The following SLC26A4 variants were observed in gnomAD, a reference collection of about 807,000 sequenced individuals.
SLC26A4 encodes pendrin.
SLC26A4 carries 93 observed loss-of-function variants against 90.4 expected under a neutral mutation model. That is an observed-to-expected ratio of 1.03 (90% CI 0.87 to 1.22). The LOEUF (loss-of-function observed/expected upper bound fraction) is 1.22, where lower values mean the gene tolerates loss of function less well. Ranked by LOEUF, SLC26A4 falls within the 50% of genes most tolerant of loss-of-function variation. The pLI is 0.00. For missense variants in SLC26A4, 1,127 were observed against 946.2 expected (o/e 1.19, Z -2.51); for synonymous variants, 393 against 354.6 (o/e 1.11, Z -1.22).
intron 11 of SLC26A4, 55 bp from the exon 12 acceptor site, chr7:107,694,566 A>T: frequency 6.5e-7 from 1 of 1,538,194 alleles, no homozygotes; most frequent in Non-Finnish European, 9.0e-7. Context: ...TTTAACAATC[A>T]TCACATGGAA....
At chr7:107,680,289 TC>T (rs1315810878) in intron 6 of SLC26A4, among the ~76,000 whole-genome samples, 2 of 98,296 alleles carry the variant, frequency 2.0e-5, no homozygotes, top group African/African-American at 4.2e-5. Context: ...TATAATCTTA[TC>T]TTATTATATA....
intron 10 of SLC26A4, chr7:107,693,653 T>G (rs1442963974): frequency 1.0e-6 from 1 of 988,244 alleles, no homozygotes; most frequent in Non-Finnish European, 1.2e-6. Context: ...TCAGCCTCTC[T>G]CCTAACTAGT....
intron 2 of SLC26A4, 69 bp from the exon 3 acceptor site, chr7:107,663,227 A>T: frequency 6.5e-7 from 1 of 1,534,788 alleles, no homozygotes; most frequent in Non-Finnish European, 9.0e-7. Flanking sequence ...CCAGTTCATA[A>T]CTTTGTGATT....
rs74378867 is a variant in SLC26A4, at chr7:107,693,738, C to T, written c.1264-665C>T. 1.3e-4 allele frequency: 129 copies of T among 992,144 alleles called. 2 individuals are homozygous for T. In the East Asian group the frequency reaches 6.6e-3, roughly 51 times the overall value. 61.5% of individuals were successfully genotyped at this position (992,144 alleles called of 1,614,324 possible). ...CTTCCTTTTACCCCTGCTATTGCCC[C>T]GTTACTCCATAGTCACTGTTTCAGG... On this transcript the variant is annotated intron_variant, in intron 10 of 20. Transcript: ENST00000644269.
rs749883120 is a variant in SLC26A4, at chr7:107,661,754, G to T, written c.113G>T (p.Arg38Leu). Residue 38 changes from arginine to leucine, a missense_variant, in exon 2 of 21, where the codon CGG (arginine) becomes CTG (leucine). Transcript: ENST00000644269. The surrounding 1 kb of genome is among the most constrained non-coding windows in gnomAD (Gnocchi z 5.1). ...SELAFQQQHE[R>L]RLQERKTLRE... ...CTCGCTTTCCAGCAACAGCACGAGC[G>T]GCGCCTGCAGGAGCGCAAGACGCTG... 11 of 1,545,806 alleles carry T rather than the reference G, an allele frequency of 7.1e-6. No individual in the cohort carries two copies. Among genetic ancestry groups the T allele is most frequent in the Non-Finnish European group, 3.5e-6 (4 of 1,149,270 alleles).
At chr7:107,685,454 T>G (rs78542230) in intron 8 of SLC26A4, among the ~76,000 whole-genome samples, 3 of 152,198 alleles carry the variant, frequency 2.0e-5, no homozygotes, top group African/African-American at 7.2e-5. Flanking sequence ...ATCTCCTCCC[T>G]GCTTCAATCC....
intron 13 of SLC26A4, among the ~76,000 whole-genome samples, chr7:107,696,581 A>G (rs1365245861): frequency 6.6e-6 from 1 of 152,240 alleles, no homozygotes; most frequent in Non-Finnish European, 1.5e-5. Flanking sequence ...AGCTGATGAC[A>G]GCCAAAATTC....
At chr7:107,705,736 A>G (rs1792021941) in intron 18 of SLC26A4, among the ~76,000 whole-genome samples, 2 of 152,232 alleles carry the variant, frequency 1.3e-5, no homozygotes, top group African/African-American at 4.8e-5. Flanking sequence ...AGAGGTAGGC[A>G]CAAGTAAGGG....
intron 15 of SLC26A4, among the ~76,000 whole-genome samples, chr7:107,700,519 C>T (rs908165673): frequency 3.3e-5 from 5 of 152,074 alleles, no homozygotes; most frequent in African/African-American, 9.7e-5. Flanking sequence ...AGGCTTTGTG[C>T]GGCAGTTGGC....
intron 17 of SLC26A4, among the ~76,000 whole-genome samples, chr7:107,703,054 A>G (rs1208434065): frequency 6.6e-6 from 1 of 152,200 alleles, no homozygotes; most frequent in African/African-American, 2.4e-5. Context: ...TGAAATGCCT[A>G]ATGTGTACTG....
intron 10 of SLC26A4, among the ~76,000 whole-genome samples, chr7:107,690,617 C>T (rs368798519): frequency 6.6e-6 from 1 of 152,248 alleles, no homozygotes; most frequent in East Asian, 1.9e-4. Context: ...ATTCTATTTT[C>T]AGGAAAGTGA....
In SLC26A4 at chr7:107,672,156, T is replaced by G; in HGVS notation, c.323T>G (p.Leu108Arg). ...ATLQGMAYAL[L>R]AAVPVGYGLY... ...CTTTCAGGGATGGCATATGCCCTAC[T>G]AGCTGCAGTTCCTGTCGGATATGGT... The change falls in exon 4 of 21, where the codon CTA becomes CGA. Residue 108 changes from leucine to arginine, a missense_variant. Physicochemically the swap from Leu to Arg is moderately radical, Grantham distance 102. Coordinates refer to ENST00000644269, the MANE Select transcript of SLC26A4 (RefSeq NM_000441.2). 1 of 1,611,334 alleles carries G rather than the reference T, an allele frequency of 6.2e-7. No individual in the cohort carries two copies. Among genetic ancestry groups the G allele is most frequent in the Non-Finnish European group, 8.5e-7 (1 of 1,177,540 alleles).
intron 17 of SLC26A4, among the ~76,000 whole-genome samples, chr7:107,702,972 G>A (rs1391333286): frequency 6.6e-6 from 1 of 152,142 alleles, no homozygotes; most frequent in Non-Finnish European, 1.5e-5. Flanking sequence ...GAGTATGCAG[G>A]ATAGAAACAT....
At chr7:107,687,074 A>C (rs537055696) in intron 8 of SLC26A4, among the ~76,000 whole-genome samples, 1 of 152,248 alleles carries the variant, frequency 6.6e-6, no homozygotes, top group Admixed American at 6.5e-5. Context: ...TATTCTGTTT[A>C]TGACGCTGGC....
intron 4 of SLC26A4, among the ~76,000 whole-genome samples, chr7:107,673,175 G>C (rs977649064): frequency 6.6e-6 from 1 of 152,036 alleles, no homozygotes; most frequent in Non-Finnish European, 1.5e-5. Flanking sequence ...CAGGTGACTG[G>C]GGTTGGGTTT....
intron 3 of SLC26A4, among the ~76,000 whole-genome samples, chr7:107,671,308 G>A (rs139035071): frequency 4.6e-5 from 7 of 152,092 alleles, no homozygotes; most frequent in East Asian, 3.9e-4. Flanking sequence ...GACTACAGGC[G>A]TGAACCAATA....
At position 107,717,700 on chromosome 7, in the gene SLC26A4, T is replaced by G. The variant is rs949560257; in HGVS notation, c.*2254T>G. ...AAGATTCCAGTATTGTATATGAGTT[T>G]TAACAAATTAAAAAATCAAATCATG... On this transcript the variant is annotated 3_prime_UTR_variant, in exon 21 of 21. Transcript: ENST00000644269. The G allele has an allele frequency of 6.6e-6, 1 of 152,636 alleles. No homozygotes were observed. Among genetic ancestry groups the G allele is most frequent in the Non-Finnish European group, 1.5e-5 (1 of 68,034 alleles). The allele number at this position is 152,636 out of a possible 1,614,324, so 9.5% of individuals were successfully genotyped here. A position where few individuals can be genotyped will look rare whatever the true frequency, so the allele number is the denominator to read the frequency against.
chr7:107,708,197 T>C (rs1792080332), intron 18 of SLC26A4, among the ~76,000 whole-genome samples: 1 of 152,212 alleles, frequency 6.6e-6, no homozygotes, highest in Non-Finnish European at 1.5e-5. Flanking sequence ...ATAATTCCCT[T>C]CTACTTTTAG....
At chr7:107,714,608 A>G (rs566258026) in intron 20 of SLC26A4, among the ~76,000 whole-genome samples, 1 of 152,234 alleles carries the variant, frequency 6.6e-6, no homozygotes, top group African/African-American at 2.4e-5. Context: ...ATATTATAGG[A>G]TATTTATTGG....
Sources: gnomAD v4.1 joint callset for allele counts (sites outside exome capture counted in the v4.1 genomes callset) on GRCh38, gnomAD v4.1.1 for gene constraint, Gnocchi (gnomAD v3.1) non-coding constraint, MANE v1.5 for transcripts, NCBI Gene and HGNC (gene_info 2026-07-23, HGNC 2026-07-21) for gene names.